Variants in CIDEA observed in about 807,000 individuals in gnomAD.
CIDEA encodes cell death inducing DFFA like effector a.
CIDEA carries 10 observed loss-of-function variants against 18.2 expected under a neutral mutation model. That is an observed-to-expected ratio of 0.55 (90% CI 0.34 to 0.93). The LOEUF is 0.93. Among genes scored for constraint, CIDEA ranks in the 40% least tolerant of loss-of-function variants. The pLI is 0.02. For missense variants in CIDEA, 309 were observed against 293.1 expected (o/e 1.05, Z -0.40); for synonymous variants, 128 against 124.8 (o/e 1.03, Z -0.17).
At chr18:12,261,695 TC>T (rs1261213831) in intron 1 of CIDEA, among the ~76,000 whole-genome samples, 3 of 152,032 alleles carry the variant, frequency 2.0e-5, no homozygotes, top group Non-Finnish European at 4.4e-5. Flanking sequence ...CATCTCCACT[TC>T]CTGAGTAGAT....
At chr18:12,273,728 T>G (rs76761963) in intron 3 of CIDEA, among the ~76,000 whole-genome samples, 2,722 of 152,310 alleles carry the variant, frequency 0.018, 66 homozygotes, top group African/African-American at 0.062. Context: ...AGTGATGAGA[T>G]GAGATTCTTT....
intron 3 of CIDEA, among the ~76,000 whole-genome samples, chr18:12,266,297 A>C (rs1394883033): frequency 6.6e-6 from 1 of 152,046 alleles, no homozygotes; most frequent in Non-Finnish European, 1.5e-5. Context: ...CTACCAAAAA[A>C]TACAAAAATT....
At position 12,270,688 on chromosome 18, in the gene CIDEA, C is replaced by CAAAAAAAAAAAAAAAAAAAAAAAAA. The variant is rs68102741; in HGVS notation, c.331-3401_331-3377dup. On this transcript the variant is annotated intron_variant, in intron 3 of 4. Transcript: ENST00000320477. Reference sequence around the variant, plus strand: ...GGCGACAGAGCAAGACTCCGTCTCACAAAAAAAAAAAAAAAAAAAAAAAAA... The same window carrying CAAAAAAAAAAAAAAAAAAAAAAAAA: ...GGCGACAGAGCAAGACTCCGTCTCACAAAAAAAAAAAAAAAAAAAAAAAAAAAAAAAAAAAAAAAAAAAAAAAAAA... 2.7e-5 allele frequency among the ~76,000 whole-genome samples: 2 copies of CAAAAAAAAAAAAAAAAAAAAAAAAA among 72,804 alleles called. 1 individual carries two copies. Among genetic ancestry groups the CAAAAAAAAAAAAAAAAAAAAAAAAA allele is most frequent in the African/African-American group, 1.7e-4 (2 of 11,928 alleles). The allele number at this position is 72,804 out of a possible 152,430, so 47.8% of individuals were successfully genotyped here.
At chr18:12,260,321 A>T (rs2144062104) in intron 1 of CIDEA, among the ~76,000 whole-genome samples, 1 of 151,934 alleles carries the variant, frequency 6.6e-6, no homozygotes, top group Non-Finnish European at 1.5e-5. Context: ...GACTACAGGC[A>T]TGCACCACCA....
intron 1 of CIDEA, 147 bp downstream of exon 1, chr18:12,254,568 G>GCACACACCCATCCGCT (rs2144051127): frequency 1.3e-6 from 2 of 1,528,816 alleles, no homozygotes; most frequent in Non-Finnish European, 1.8e-6. Context: ...GCGACCCCGC[G>GCACACACCCATCCGCT]CACACACCCA....
At chr18:12,254,673 T>C (rs138311896) in intron 1 of CIDEA, 194 of 1,521,990 alleles carry the variant, frequency 1.3e-4, no homozygotes, top group Non-Finnish European at 1.6e-4. Flanking sequence ...TGGGCACAGG[T>C]ACCAGGTGTG....
intron 4 of CIDEA, among the ~76,000 whole-genome samples, chr18:12,275,064 T>C (rs1912667797): frequency 6.6e-6 from 1 of 152,240 alleles, no homozygotes; most frequent in Non-Finnish European, 1.5e-5. Flanking sequence ...GGCTCACACC[T>C]ATAATCCCAG....
intron 4 of CIDEA, among the ~76,000 whole-genome samples, chr18:12,276,662 T>G (rs891896611): frequency 2.0e-5 from 3 of 152,158 alleles, no homozygotes; most frequent in Non-Finnish European, 4.4e-5. Context: ...CGCATCCCCA[T>G]GGGCTCAGTC....
intron 3 of CIDEA, among the ~76,000 whole-genome samples, chr18:12,265,237 T>C (rs1598777616): frequency 6.6e-6 from 1 of 152,238 alleles, no homozygotes; most frequent in African/African-American, 2.4e-5. Context: ...CAGTATAAAA[T>C]GCCTAAAAAT....
Position 12,262,916 on chromosome 18 carries a change from A to G in CIDEA, c.130A>G (p.Arg44Gly), listed in dbSNP as rs747754520. 6.2e-7 allele frequency: 1 copy of G among 1,614,188 alleles called. No homozygotes were observed. The highest frequency in any genetic ancestry group is 8.5e-7 in the Non-Finnish European group (1 of 1,180,032). Residue 44 changes from arginine (R) to glycine (G), a missense_variant, in exon 2 of 5, where the codon AGG becomes GGG. By Grantham distance (125) the Arg-to-Gly change is moderately radical. Transcript: ENST00000320477. Reference sequence around the variant, plus strand: ...CCCTTTCCGGGTCTCCAACCATGACAGGAGCAGCCGGCGTGGGGTGATGGC... The same window carrying G: ...CCCTTTCCGGGTCTCCAACCATGACGGGAGCAGCCGGCGTGGGGTGATGGC... ...ARPFRVSNHD[R>G]SSRRGVMASS...
chr18:12,276,812 C>T (rs1905350520), intron 4 of CIDEA, among the ~76,000 whole-genome samples: 1 of 152,218 alleles, frequency 6.6e-6, no homozygotes, highest in South Asian at 2.1e-4. Flanking sequence ...GCTTGCCAGC[C>T]ACTCAACAAG....
chr18:12,265,288 G>A (rs927648280), intron 3 of CIDEA, among the ~76,000 whole-genome samples: 4 of 152,220 alleles, frequency 2.6e-5, no homozygotes, highest in African/African-American at 9.6e-5. Flanking sequence ...ATAATAAACT[G>A]ATCTCCAAGA....
intron 1 of CIDEA, among the ~76,000 whole-genome samples, chr18:12,259,115 C>T (rs1417828861): frequency 6.6e-6 from 1 of 152,206 alleles, no homozygotes; most frequent in Non-Finnish European, 1.5e-5. Context: ...GGTGCACAGC[C>T]CGGCCGGGCG....
chr18:12,272,700 A>G (rs1290571535), intron 3 of CIDEA, among the ~76,000 whole-genome samples: 1 of 151,818 alleles, frequency 6.6e-6, no homozygotes, highest in Non-Finnish European at 1.5e-5. Flanking sequence ...TTAGAAAAGG[A>G]TGATGAAGTC....
chr18:12,258,439 T>C (rs1912098325), intron 1 of CIDEA, among the ~76,000 whole-genome samples: 2 of 152,226 alleles, frequency 1.3e-5, no homozygotes. Context: ...ATTTCTCTGA[T>C]TTTGGCCTAG....
chr18:12,265,763 A>C (rs973983250), intron 3 of CIDEA, among the ~76,000 whole-genome samples: 10 of 152,206 alleles, frequency 6.6e-5, no homozygotes, highest in Non-Finnish European at 1.3e-4. Context: ...AAGAGTTTTC[A>C]TTCGTAACGT....
At chr18:12,264,893 A>G (rs1377023692) in intron 3 of CIDEA, among the ~76,000 whole-genome samples, 1 of 152,204 alleles carries the variant, frequency 6.6e-6, no homozygotes. Flanking sequence ...TATTCACCTA[A>G]CAACTGGATC....
At chr18:12,270,924 G>C (rs141114403) in intron 3 of CIDEA, among the ~76,000 whole-genome samples, 1,294 of 44,628 alleles carry the variant, frequency 0.029, 22 homozygotes, top group African/African-American at 0.082. Flanking sequence ...TTTTGAGACA[G>C]TTTTGCTTTT....
chr18:12,255,330 CAG>C (rs1249931266), intron 1 of CIDEA, among the ~76,000 whole-genome samples: 2 of 152,156 alleles, frequency 1.3e-5, no homozygotes, highest in Non-Finnish European at 2.9e-5. Flanking sequence ...GTGTGGCGGG[CAG>C]AGAGACTACA....
Sources: allele counts gnomAD v4.1 joint callset (sites outside exome capture counted in the v4.1 genomes callset), GRCh38; gene constraint gnomAD v4.1.1; transcripts MANE v1.5; gene names NCBI Gene and HGNC (gene_info 2026-07-23, HGNC 2026-07-21).